Variants in PLXNA2 observed in about 807,000 individuals in gnomAD.
The protein encoded by PLXNA2 is plexin-A2.
Under a neutral mutation model 193.5 loss-of-function variants are expected in PLXNA2, and 91 were observed. The observed-to-expected ratio is 0.47, with a 90% CI of 0.40 to 0.56. The LOEUF is 0.56. Among genes scored for constraint, PLXNA2 ranks in the 20% least tolerant of loss-of-function variants. The pLI, the probability that PLXNA2 is intolerant of heterozygous loss-of-function variation, is 0.00. For missense variants in PLXNA2, 1,995 were observed against 2,503.2 expected (o/e 0.80, Z 4.33); for synonymous variants, 997 against 1,027.3 (o/e 0.97, Z 0.56).
intron 1 of PLXNA2, among the ~76,000 whole-genome samples, chr1:208,219,959 G>T (rs1038119191): frequency 1.3e-5 from 2 of 152,230 alleles, no homozygotes; most frequent in Non-Finnish European, 2.9e-5. Context: ...AGCAGGACGT[G>T]AATTCCTGAA....
At chr1:208,029,408 C>T in intron 29 of PLXNA2, 1 of 1,065,362 alleles carries the variant, frequency 9.4e-7, no homozygotes, top group Non-Finnish European at 1.1e-6. Context: ...CACCAGGCTC[C>T]TGGAGTCCCT....
intron 4 of PLXNA2, among the ~76,000 whole-genome samples, chr1:208,121,841 A>T (rs1667815741): frequency 6.6e-6 from 1 of 152,162 alleles, no homozygotes; most frequent in Admixed American, 6.5e-5. Context: ...ACAAACACAC[A>T]TCCATACCAC....
intron 3 of PLXNA2, among the ~76,000 whole-genome samples, chr1:208,188,149 C>A (rs1572012397): frequency 6.6e-6 from 1 of 152,314 alleles, no homozygotes; most frequent in East Asian, 1.9e-4. Flanking sequence ...GCAAGCTTAT[C>A]TCATGCCTTC....
intron 3 of PLXNA2, among the ~76,000 whole-genome samples, chr1:208,163,012 C>T (rs532500618): frequency 6.6e-6 from 1 of 152,242 alleles, no homozygotes; most frequent in African/African-American, 2.4e-5. Flanking sequence ...ATAACTTAAA[C>T]CTGAAAGGAC....
intron 11 of PLXNA2, 151 bp from the exon 12 acceptor site, chr1:208,079,601 A>G (rs780988153): frequency 3.2e-6 from 2 of 620,814 alleles, no homozygotes; most frequent in Non-Finnish European, 5.6e-6. Context: ...TGACTGAGGA[A>G]TTAGTAAATT....
At chr1:208,214,512 G>A (rs542561879) in intron 2 of PLXNA2, among the ~76,000 whole-genome samples, 16 of 152,204 alleles carry the variant, frequency 1.1e-4, no homozygotes, top group South Asian at 4.1e-4. Flanking sequence ...GAATAGAAGC[G>A]TAGCCTTGGA....
At chr1:208,072,264 TACA>T (rs1666000187) in intron 12 of PLXNA2, among the ~76,000 whole-genome samples, 1 of 152,208 alleles carries the variant, frequency 6.6e-6, no homozygotes, top group South Asian at 2.1e-4. Context: ...AAGTAAAAGC[TACA>T]TGGTGGTCAT....
In PLXNA2 at chr1:208,046,054, G is replaced by T; in HGVS notation, c.3319C>A (p.Arg1107Ser). The T allele has an allele frequency of 6.2e-7, 1 of 1,614,238 alleles. No homozygotes were observed. The highest frequency in any genetic ancestry group is 8.5e-7 in the Non-Finnish European group (1 of 1,180,046). ...CLAPSLTTDYRPGLDTVERPD... is the reference protein window; with the variant it reads ...CLAPSLTTDYSPGLDTVERPD... ...CGTTCCACAGTGTCCAGGCCAGGGCGGTAGTCCGTGGTCAGAGAGGGTGCC... is the reference window on the plus strand; with the variant it reads ...CGTTCCACAGTGTCCAGGCCAGGGCTGTAGTCCGTGGTCAGAGAGGGTGCC... Residue 1107 changes from arginine to serine, a missense_variant, in exon 18 of 32, where the codon CGC becomes AGC. This residue lies in a region of PLXNA2 where 1,291 missense variants were observed against 1,673.6 expected (regional missense o/e 0.77). Coordinates refer to ENST00000367033, the MANE Select transcript of PLXNA2 (RefSeq NM_025179.4).
chr1:208,131,330 G>T (rs756917052), intron 4 of PLXNA2, among the ~76,000 whole-genome samples: 10 of 152,176 alleles, frequency 6.6e-5, no homozygotes, highest in Non-Finnish European at 1.3e-4. Flanking sequence ...TTTTCATGAC[G>T]GCTCCTCTGA....
rs114314331 is a variant in PLXNA2, at chr1:208,140,546, G to A, written c.1506+1783C>T. On this transcript the variant is annotated intron_variant, in intron 4 of 31. Coordinates refer to ENST00000367033, the MANE Select transcript of PLXNA2 (RefSeq NM_025179.4). ...TGAGTCTATTTAACCTCTGCTCATCGTTTTATCCACCAATATAGGTTGTCA... is the reference window on the plus strand; with the variant it reads ...TGAGTCTATTTAACCTCTGCTCATCATTTTATCCACCAATATAGGTTGTCA... 7.0e-3 allele frequency among the ~76,000 whole-genome samples: 1,069 copies of A among 152,208 alleles called. 13 individuals carry two copies. Among genetic ancestry groups the A allele is most frequent in the African/African-American group, 0.024 (1,008 of 41,524 alleles).
rs563660166 is a variant in PLXNA2 at position 208,082,262 on chromosome 1, A to T, written c.2395+150T>A. On this transcript the variant is annotated intron_variant, in intron 11 of 31. Transcript: ENST00000367033. The surrounding 1 kb of genome is among the most constrained non-coding windows in gnomAD (Gnocchi z 4.2). ...CCAACAGGACTCCTTTGATGACTCC[A>T]AATGTTGCTTTAGGATCCTCTGAAG... 1 of 665,050 alleles carries T rather than the reference A, an allele frequency of 1.5e-6. No homozygotes were observed. Among genetic ancestry groups the T allele is most frequent in the South Asian group, 1.7e-5 (1 of 58,388 alleles). The allele number at this position is 665,050 out of a possible 1,614,324, so 41.2% of individuals were successfully genotyped here. A position where few individuals can be genotyped will look rare whatever the true frequency, so the allele number is the denominator to read the frequency against.
Position 208,125,147 on chromosome 1 carries a change from T to C in PLXNA2, c.1506+17182A>G, listed in dbSNP as rs150143521. 3.0e-3 allele frequency among the ~76,000 whole-genome samples: 456 copies of C among 152,274 alleles called. 3 individuals carry two copies. The highest frequency in any genetic ancestry group is 0.01 in the African/African-American group (436 of 41,554). On this transcript the variant is annotated intron_variant, in intron 4 of 31. Coordinates refer to ENST00000367033, the MANE Select transcript of PLXNA2 (RefSeq NM_025179.4). Reference sequence around the variant, plus strand: ...GGCCATATTTCATGAAATAATATAATGTTGCCACTCTAAAAAGGTCAGGCA... The same window carrying C: ...GGCCATATTTCATGAAATAATATAACGTTGCCACTCTAAAAAGGTCAGGCA...
chr1:208,040,366 T>C, intron 22 of PLXNA2: 1 of 378,586 alleles, frequency 2.6e-6, no homozygotes, highest in East Asian at 5.4e-5. Context: ...GGCACCTCAC[T>C]ATCCCACAGG....
At chr1:208,101,857 C>A (rs1013812651) in intron 5 of PLXNA2, among the ~76,000 whole-genome samples, 1 of 152,100 alleles carries the variant, frequency 6.6e-6, no homozygotes, top group African/African-American at 2.4e-5. Context: ...GGCAGGCTGC[C>A]CAGGGCCCTT....
chr1:208,105,844 A>G (rs1667254409), intron 4 of PLXNA2, among the ~76,000 whole-genome samples: 1 of 152,176 alleles, frequency 6.6e-6, no homozygotes, highest in African/African-American at 2.4e-5. Context: ...GGATGTCTGC[A>G]TCTGGCTGCA....
At chr1:208,193,193 T>C (rs960182648) in intron 3 of PLXNA2, among the ~76,000 whole-genome samples, 2 of 152,214 alleles carry the variant, frequency 1.3e-5, no homozygotes, top group African/African-American at 4.8e-5. Context: ...CTGGCATTGC[T>C]TCATTTGCTC....
chr1:208,231,065 A>G lies in PLXNA2; in HGVS notation c.-81+12578T>C, dbSNP rs1171532795. Reference sequence around the variant, plus strand: ...AGTCCCTTGGTGAAGGAGCACAGTTAGTAGACATTTGAGACCCTTGAGGCG... The same window carrying G: ...AGTCCCTTGGTGAAGGAGCACAGTTGGTAGACATTTGAGACCCTTGAGGCG... On this transcript the variant is annotated intron_variant, in intron 1 of 31. Transcript: ENST00000367033. Among the ~76,000 whole-genome samples the G allele has an allele frequency of 2.0e-5, 3 of 152,324 alleles. No individual in the cohort carries two copies. The East Asian group carries it at 5.8e-4, about 29-fold the overall frequency.
chr1:208,210,692 C>T (rs77058491), intron 2 of PLXNA2, among the ~76,000 whole-genome samples: 1 of 152,220 alleles, frequency 6.6e-6, no homozygotes, highest in African/African-American at 2.4e-5. Flanking sequence ...CAACCTTCCA[C>T]TCAGCTGGCG....
In PLXNA2 at chr1:208,039,966, A is replaced by C. The variant is rs760593789; in HGVS notation, c.4353+26T>G. ...GCAGTGCCATCCTGCCCTGGACGCT[A>C]GGCCCCGTCTCACTCCCTTTCTCAC... On this transcript the variant is annotated intron_variant, in intron 23 of 31. Coordinates refer to ENST00000367033, the MANE Select transcript of PLXNA2 (RefSeq NM_025179.4). 5.0e-6 allele frequency: 8 copies of C among 1,611,134 alleles called. No homozygotes were observed. In the African/African-American group the frequency reaches 8.0e-5, roughly 16 times the overall value.
Sources: allele counts gnomAD v4.1 joint callset (sites outside exome capture counted in the v4.1 genomes callset), GRCh38; gene constraint gnomAD v4.1.1; regional missense constraint gnomAD v4.1.1; non-coding constraint Gnocchi (gnomAD v3.1); transcripts MANE v1.5; gene names NCBI Gene and HGNC (gene_info 2026-07-23, HGNC 2026-07-21).